Variants in CELF2 observed in about 807,000 individuals in gnomAD.
The protein encoded by CELF2 is CUG triplet repeat RNA-binding protein 2.
A neutral mutation model predicts 62.6 loss-of-function variants in CELF2; 8 were observed. That is an observed-to-expected ratio of 0.13 (90% CI 0.07 to 0.23). The LOEUF is 0.23. CELF2 is among the 10% of genes least tolerant of loss of function. The probability of loss-of-function intolerance (pLI) is 1.00; values close to 1 mark genes in which losing one functional copy is unlikely to be tolerated. For missense variants in CELF2, 333 were observed against 671.0 expected (o/e 0.50, Z 5.56); for synonymous variants, 258 against 250.0 (o/e 1.03, Z -0.30).
At chr10:10,703,827 A>C in the CELF2 span, among the ~76,000 whole-genome samples, 13 of 152,270 alleles carry the variant, frequency 8.5e-5, no homozygotes, top group African/African-American at 3.1e-4. Context: ...AATTGCATGT[A>C]ACTAAGTTAG....
chr10:10,514,914 G>A, the CELF2 span, among the ~76,000 whole-genome samples: 37 of 152,260 alleles, frequency 2.4e-4, no homozygotes, highest in East Asian at 1.4e-3. Context: ...CAATCTTACC[G>A]TTCATCTTCT....
At chr10:10,781,698 T>C in the CELF2 span, among the ~76,000 whole-genome samples, 1 of 152,166 alleles carries the variant, frequency 6.6e-6, no homozygotes, top group Non-Finnish European at 1.5e-5. Context: ...CCAAATCACA[T>C]CAGTAGCCTA....
intron 1 of CELF2, among the ~76,000 whole-genome samples, chr10:11,115,339 C>T (rs1470520260): frequency 6.6e-6 from 1 of 152,180 alleles, no homozygotes; most frequent in Non-Finnish European, 1.5e-5. Context: ...GAACCTGATG[C>T]TACAGGCGTT....
intron 1 of CELF2, among the ~76,000 whole-genome samples, chr10:11,107,063 T>A (rs1282117420): frequency 6.6e-6 from 1 of 152,122 alleles, no homozygotes; most frequent in Non-Finnish European, 1.5e-5. Flanking sequence ...AACAAAGAAG[T>A]AAGACTTAAC....
At chr10:10,775,613 C>CAA in the CELF2 span, among the ~76,000 whole-genome samples, 1 of 136,596 alleles carries the variant, frequency 7.3e-6, no homozygotes, top group African/African-American at 2.7e-5. Context: ...GACTCTGTCT[C>CAA]AAAAAAAAAA....
chr10:10,910,882 A>G (rs2063756211), intron 1 of CELF2, among the ~76,000 whole-genome samples: 1 of 152,146 alleles, frequency 6.6e-6, no homozygotes, highest in African/African-American at 2.4e-5. Flanking sequence ...AGAGCTGGTT[A>G]CATTTGCGAC....
intron 8 of CELF2, among the ~76,000 whole-genome samples, chr10:11,283,981 AGTGT>A (rs1352621020): frequency 7.8e-6 from 1 of 128,004 alleles, no homozygotes; most frequent in Non-Finnish European, 1.6e-5. Context: ...ATGACGGATG[AGTGT>A]GTGGTGAGTG....
chr10:10,914,809 G>T (rs11256902), intron 1 of CELF2, among the ~76,000 whole-genome samples: 11,585 of 152,098 alleles, frequency 0.076, 1,076 homozygotes, highest in African/African-American at 0.22. Flanking sequence ...CTTTGTAGTT[G>T]TTTGCATCCT....
At position 10,884,588 on chromosome 10, in the gene CELF2, T is replaced by A. The variant is rs1396245515; in HGVS notation, c.54-35376T>A. 6.6e-5 allele frequency among the ~76,000 whole-genome samples: 10 copies of A among 152,244 alleles called. No homozygotes were observed. The East Asian group carries it at 1.9e-3, about 29-fold the overall frequency. On this transcript the variant is annotated intron_variant, in intron 1 of 13. Coordinates refer to the CELF2 transcript ENST00000636488. ...CTTATCCTACCCTTTATATGTTTCA[T>A]GTGTACTACTCTTTTGCCTACCCAT...
At chr10:10,693,637 G>T in the CELF2 span, among the ~76,000 whole-genome samples, 50,873 of 150,174 alleles carry the variant, frequency 0.34, 10,411 homozygotes, top group Non-Finnish European at 0.48. Flanking sequence ...AATCCGTCTG[G>T]TCCTGGACTC....
At chr10:10,531,367 A>G in the CELF2 span, among the ~76,000 whole-genome samples, 11 of 152,202 alleles carry the variant, frequency 7.2e-5, no homozygotes, top group Non-Finnish European at 1.6e-4. Flanking sequence ...CACGCTCTAA[A>G]ACAAAATTGA....
At chr10:11,256,785 G>A (rs2078908825) in intron 4 of CELF2, among the ~76,000 whole-genome samples, 1 of 151,956 alleles carries the variant, frequency 6.6e-6, no homozygotes, top group Admixed American at 6.6e-5. Context: ...CAAGCATGGA[G>A]ATTTTGAGGA....
chr10:10,785,676 A>G, the CELF2 span, among the ~76,000 whole-genome samples: 2 of 152,238 alleles, frequency 1.3e-5, no homozygotes, highest in African/African-American at 4.8e-5. Context: ...ACAAAAAAAT[A>G]TCTCTTAGAA....
At chr10:10,657,915 G>A in the CELF2 span, among the ~76,000 whole-genome samples, 9 of 152,036 alleles carry the variant, frequency 5.9e-5, no homozygotes, top group Admixed American at 5.9e-4. Flanking sequence ...TTTTATTAAG[G>A]CTTGCTTTGC....
chr10:10,576,224 T>C, the CELF2 span, among the ~76,000 whole-genome samples: 1 of 152,286 alleles, frequency 6.6e-6, no homozygotes, highest in Non-Finnish European at 1.5e-5. Flanking sequence ...GTTCAAGGAC[T>C]AAGGGTCAAA....
rs1042647073 is a variant in CELF2 at position 11,075,094 on chromosome 10, T to C, written c.74+56931T>C. ...TCTTGTCACTATGGGAAAATGCTGC[T>C]CTGTCCTAATCCCCTTGGCCCTGAA... is the stretch of plus-strand genomic sequence containing the variant. On this transcript the variant is annotated intron_variant, in intron 1 of 12. Coordinates refer to ENST00000633077, the MANE Select transcript of CELF2 (RefSeq NM_001326342.2). This position sits in a 1 kb window ranked among gnomAD's most constrained non-coding sequence, Gnocchi z 5.4. 7.2e-5 allele frequency: 11 copies of C among 152,210 alleles called. No individual in the cohort carries two copies. Among genetic ancestry groups the C allele is most frequent in the African/African-American group, 2.2e-4 (9 of 41,450 alleles). The allele number at this position is 152,210 out of a possible 1,614,324, so 9.4% of individuals were successfully genotyped here. A position where few individuals can be genotyped will look rare whatever the true frequency, so the allele number is the denominator to read the frequency against.
At chr10:10,950,380 C>T (rs2048187478) in intron 2 of CELF2, among the ~76,000 whole-genome samples, 1 of 151,982 alleles carries the variant, frequency 6.6e-6, no homozygotes, top group South Asian at 2.1e-4. Flanking sequence ...CAAAGGGCTC[C>T]AAAGAGTCAG....
chr10:10,557,581 G>A, the CELF2 span, among the ~76,000 whole-genome samples: 2 of 151,678 alleles, frequency 1.3e-5, no homozygotes, highest in African/African-American at 4.9e-5. Context: ...AAAGGCATTG[G>A]TAGCTTGATG....
At chr10:11,282,758 A>T (rs750271561) in intron 8 of CELF2, among the ~76,000 whole-genome samples, 1 of 152,220 alleles carries the variant, frequency 6.6e-6, no homozygotes, top group Non-Finnish European at 1.5e-5. Context: ...CCAGTAAGTG[A>T]GGCAGAGCCA....
Sources: allele counts gnomAD v4.1 joint callset (sites outside exome capture counted in the v4.1 genomes callset), GRCh38; gene constraint gnomAD v4.1.1; non-coding constraint Gnocchi (gnomAD v3.1); transcripts MANE v1.5; gene names NCBI Gene and HGNC (gene_info 2026-07-23, HGNC 2026-07-21).